WNT3: variants seen among roughly 807,000 people sequenced by gnomAD.
WNT3 encodes the protein Wnt family member 3, also known as proto-oncogene Wnt-3.
Under a neutral mutation model 34.2 loss-of-function variants are expected in WNT3, and 7 were observed. That is an observed-to-expected ratio of 0.20 (90% CI 0.12 to 0.38). The LOEUF (loss-of-function observed/expected upper bound fraction) is 0.38. Among genes scored for constraint, WNT3 ranks in the 10% least tolerant of loss-of-function variants. The pLI is 1.00. For missense variants in WNT3, 267 were observed against 499.8 expected, an observed-to-expected ratio of 0.53 and a Z score of 4.44; for synonymous variants, 212 against 211.5, an observed-to-expected ratio of 1.00 and a Z score of -0.02.
rs1484961045 is a variant in WNT3, at chr17:46,779,099, A to ACCCC, written c.81-5191_81-5190insGGGG. The stretch of plus-strand genomic sequence containing the variant: ...CACACACACACACACACACACACAC[A>ACCCC]CACACCCCAGCCCACTCGGCCTTCC... On this transcript the variant is annotated intron_variant, in intron 1 of 4. Coordinates refer to ENST00000225512, the MANE Select transcript of WNT3 (RefSeq NM_030753.5). 1.2e-4 allele frequency among the ~76,000 whole-genome samples: 16 copies of ACCCC among 128,642 alleles called. 1 individual carries two copies. The highest frequency in any genetic ancestry group is 9.4e-4 in the East Asian group (3 of 3,180). 84.4% of individuals were successfully genotyped at this position (128,642 alleles called of 152,430 possible). A position where few individuals can be genotyped will look rare whatever the true frequency, so the allele number is the denominator to read the frequency against.
At position 46,768,391 on chromosome 17, in the gene WNT3, T is replaced by C. The variant is rs370821059; in HGVS notation, c.997A>G (p.Ile333Val). The change falls in exon 4 of 5, where the codon ATC (isoleucine) becomes GTC (valine). Residue 333 changes from isoleucine (I) to valine (V), a missense_variant. This residue lies in a region of WNT3 where 60 missense variants were observed against 82.7 expected (regional missense o/e 0.73). Transcript: ENST00000225512. This position sits in a 1 kb window ranked among gnomAD's most constrained non-coding sequence, Gnocchi z 5.0. ...TEKRKEKCHC[I>V]FHWCCYVSCQ... is the part of the protein sequence containing the mutation. ...CTGACGTAGCAGCACCAGTGGAAGA[T>C]GCAGTGGCATTTTTCCTTCCGCTTC... is the stretch of plus-strand genomic sequence containing the variant. 6.2e-7 allele frequency: 1 copy of C among 1,613,808 alleles called. No homozygotes were observed. The highest frequency in any genetic ancestry group is 1.3e-5 in the African/African-American group (1 of 74,942).
chr17:46,789,752 G>T (rs572510457), intron 1 of WNT3, among the ~76,000 whole-genome samples: 7 of 152,326 alleles, frequency 4.6e-5, no homozygotes, highest in Middle Eastern at 6.8e-3. Flanking sequence ...ACTGCCCAGG[G>T]CTCCAGCTTG....
chr17:46,771,107 T>A (rs2059363692), intron 2 of WNT3, among the ~76,000 whole-genome samples: 2 of 152,164 alleles, frequency 1.3e-5, no homozygotes, highest in Admixed American at 1.3e-4. Flanking sequence ...CCGGGACCCC[T>A]CTTGGCTCCC....
At chr17:46,803,036 T>G (rs762807985) in intron 1 of WNT3, among the ~76,000 whole-genome samples, 81 of 152,162 alleles carry the variant, frequency 5.3e-4, no homozygotes, top group Non-Finnish European at 1.0e-3. Context: ...AACTAAGACC[T>G]CAACCTATGG....
At chr17:46,816,861 G>A (rs1333359579) in intron 1 of WNT3, among the ~76,000 whole-genome samples, 1 of 152,220 alleles carries the variant, frequency 6.6e-6, no homozygotes, top group East Asian at 1.9e-4. Context: ...CCTTGGCCCG[G>A]GAATGGGAAG....
At chr17:46,788,518 T>C (rs1764876752) in intron 1 of WNT3, among the ~76,000 whole-genome samples, 1 of 152,212 alleles carries the variant, frequency 6.6e-6, no homozygotes, top group African/African-American at 2.4e-5. Context: ...CTTCTATTCA[T>C]CCCTCAAGGT....
chr17:46,785,146 T>C (rs2059493715), intron 1 of WNT3, among the ~76,000 whole-genome samples: 1 of 152,172 alleles, frequency 6.6e-6, no homozygotes, highest in Admixed American at 6.5e-5. Flanking sequence ...TGGGGACCCC[T>C]CTCTGACCAC....
chr17:46,779,006 G>T lies in WNT3; in HGVS notation c.81-5097C>A, dbSNP rs140470910. ...ATGCCAGTCTCAGTCTCCAAGAAGA[G>T]AGGTAGTGGTAGTGTTTTCTCCAGT... is the stretch of plus-strand genomic sequence containing the variant. On this transcript the variant is annotated intron_variant, in intron 1 of 4. Transcript: ENST00000225512. Among the ~76,000 whole-genome samples, 758 of 150,278 alleles carry T rather than the reference G, an allele frequency of 5.0e-3. 9 individuals carry two copies. Among genetic ancestry groups the T allele is most frequent in the African/African-American group, 0.018 (715 of 40,772 alleles).
chr17:46,770,269 T>C (rs2059351958), intron 2 of WNT3, among the ~76,000 whole-genome samples: 1 of 152,224 alleles, frequency 6.6e-6, no homozygotes, highest in Admixed American at 6.5e-5. Flanking sequence ...GGCCCTGGGC[T>C]GCTGATTAGC....
intron 1 of WNT3, among the ~76,000 whole-genome samples, chr17:46,774,859 A>G (rs1314423653): frequency 6.6e-6 from 1 of 152,204 alleles, no homozygotes; most frequent in Non-Finnish European, 1.5e-5. Context: ...AACCTGAGAA[A>G]ATGATCCGTG....
intron 1 of WNT3, among the ~76,000 whole-genome samples, chr17:46,783,114 A>G (rs928903925): frequency 3.3e-5 from 5 of 152,314 alleles, no homozygotes; most frequent in African/African-American, 9.6e-5. Flanking sequence ...GCTCGCCTGC[A>G]TCTCCAGCAG....
At chr17:46,810,401 T>G (rs1316190656) in intron 1 of WNT3, among the ~76,000 whole-genome samples, 1 of 152,184 alleles carries the variant, frequency 6.6e-6, no homozygotes, top group Non-Finnish European at 1.5e-5. Flanking sequence ...AGTCCTCAGC[T>G]CCTTCCTGTA....
intron 1 of WNT3, among the ~76,000 whole-genome samples, chr17:46,785,176 C>A (rs1410321750): frequency 6.6e-6 from 1 of 152,220 alleles, no homozygotes; most frequent in Non-Finnish European, 1.5e-5. Flanking sequence ...CCTCCCAGCC[C>A]TAACCATGCT....
At chr17:46,786,552 G>A (rs1430136734) in intron 1 of WNT3, among the ~76,000 whole-genome samples, 1 of 152,242 alleles carries the variant, frequency 6.6e-6, no homozygotes, top group Non-Finnish European at 1.5e-5. Context: ...TGACCACAGA[G>A]GGGAGCAGCT....
rs1042665131 is a variant in WNT3 at position 46,768,031 on chromosome 17, G to A, written c.*8+281C>T. ...TCGAACTCCTGACCTCAGGTGATCC[G>A]TCCACCTCGGCCTCCCAAAGTGCTG... On this transcript the variant is annotated intron_variant, in intron 4 of 4. Coordinates refer to ENST00000225512, the MANE Select transcript of WNT3 (RefSeq NM_030753.5). This position sits in a 1 kb window ranked among gnomAD's most constrained non-coding sequence, Gnocchi z 5.0. 5.3e-5 allele frequency among the ~76,000 whole-genome samples: 8 copies of A among 152,032 alleles called. No individual in the cohort carries two copies. The highest frequency in any genetic ancestry group is 3.3e-4 in the Admixed American group (5 of 15,262).
intron 2 of WNT3, 125 bp downstream of exon 2, chr17:46,773,543 T>C (rs2059391101): frequency 1.4e-5 from 16 of 1,160,842 alleles, no homozygotes; most frequent in Non-Finnish European, 1.6e-5. Flanking sequence ...TGCAACCAAA[T>C]TTATCACCCT....
At chr17:46,770,145 C>T in intron 2 of WNT3, 97 bp from the exon 3 acceptor site, 1 of 1,434,042 alleles carries the variant, frequency 7.0e-7, no homozygotes, top group Non-Finnish European at 9.2e-7. Flanking sequence ...GGAACGAGGC[C>T]AGGAAGAGTT....
intron 1 of WNT3, among the ~76,000 whole-genome samples, chr17:46,788,002 C>T (rs931283593): frequency 6.6e-6 from 1 of 151,330 alleles, no homozygotes; most frequent in Non-Finnish European, 1.5e-5. Context: ...TCCTCAGTGA[C>T]CCCACCTCAG....
At chr17:46,769,088 G>A (rs1598753851) in intron 3 of WNT3, among the ~76,000 whole-genome samples, 1 of 152,134 alleles carries the variant, frequency 6.6e-6, no homozygotes, top group South Asian at 2.1e-4. Flanking sequence ...AGGCTGAGGC[G>A]GGAGGATCAC....
Sources: allele counts gnomAD v4.1 joint callset (sites outside exome capture counted in the v4.1 genomes callset), GRCh38; gene constraint gnomAD v4.1.1; regional missense constraint gnomAD v4.1.1; non-coding constraint Gnocchi (gnomAD v3.1); transcripts MANE v1.5; gene names NCBI Gene and HGNC (gene_info 2026-07-23, HGNC 2026-07-21).